ITPR3: variants seen among roughly 807,000 people sequenced by gnomAD.
ITPR3 encodes the protein inositol 1,4,5-trisphosphate receptor type 3, also known as inositol 1,4,5-trisphosphate-gated calcium channel ITPR3.
Under a neutral mutation model 293.2 loss-of-function variants are expected in ITPR3, and 173 were observed. The ratio of observed to expected loss-of-function variants is 0.59; its 90% CI spans 0.52 to 0.67. ITPR3 has a LOEUF of 0.67. Among genes scored for constraint, ITPR3 ranks in the 30% least tolerant of loss-of-function variants. The pLI is 0.00. For missense variants in ITPR3, 2,796 were observed against 3,592.1 expected, an observed-to-expected ratio of 0.78 and a Z score of 5.66; for synonymous variants, 1,295 against 1,444.4, an observed-to-expected ratio of 0.90 and a Z score of 2.35.
chr6:33,636,962 C>T (rs774614730), intron 1 of ITPR3, among the ~76,000 whole-genome samples: 1 of 152,196 alleles, frequency 6.6e-6, no homozygotes, highest in African/African-American at 2.4e-5. Context: ...GCTCTGACGC[C>T]GGGCTGCCTG....
intron 17 of ITPR3, 39 bp from the exon 18 acceptor site, chr6:33,668,935 G>A: frequency 6.2e-7 from 1 of 1,601,878 alleles, no homozygotes; most frequent in South Asian, 1.1e-5. Flanking sequence ...GTAGTGCCCT[G>A]GACCTGGCTC....
At chr6:33,643,017 A>T (rs982847889) in intron 2 of ITPR3, among the ~76,000 whole-genome samples, 2 of 152,180 alleles carry the variant, frequency 1.3e-5, no homozygotes, top group African/African-American at 4.8e-5. Context: ...GATGAGAGAC[A>T]TGGACTATAG....
At chr6:33,681,860 G>A (rs1765086306) in intron 33 of ITPR3, among the ~76,000 whole-genome samples, 1 of 152,018 alleles carries the variant, frequency 6.6e-6, no homozygotes, top group Non-Finnish European at 1.5e-5. Context: ...TGAGGGTGAT[G>A]GGGGAGAGAC....
rs1028178355 is a variant in ITPR3 at position 33,655,475 on chromosome 6, G to A, written c.161-291G>A. Among the ~76,000 whole-genome samples the A allele has an allele frequency of 6.6e-6, 1 of 152,204 alleles. No homozygotes were observed. The highest frequency in any genetic ancestry group is 1.5e-5 in the Non-Finnish European group (1 of 68,030). On this transcript the variant is annotated intron_variant, in intron 2 of 57. Coordinates refer to ENST00000605930, the MANE Select transcript of ITPR3 (RefSeq NM_002224.4). The surrounding 1 kb of genome is among the most constrained non-coding windows in gnomAD (Gnocchi z 4.9). ...CTGGGCACAGACATGGCATAAGGGT[G>A]AGGCCCCAGCAGCCTCTGGTAAATC...
chr6:33,670,382 C>T lies in ITPR3; in HGVS notation c.2247C>T (p.Asp749=), dbSNP rs1322025645. 5 of 1,613,990 alleles carry T rather than the reference C, an allele frequency of 3.1e-6. No individual in the cohort carries two copies. Among genetic ancestry groups the T allele is most frequent in the Non-Finnish European group, 3.4e-6 (4 of 1,180,044 alleles). The stretch of plus-strand genomic sequence containing the variant: ...TGGACCGCCAGTACTTGGCCATCGA[C>T]GAGATCTCCCAGCAGCTGGGCGTGG... ...MCLDRQYLAI[D]EISQQLGVDL... Residue 749 remains aspartate (D), a synonymous_variant, in exon 19 of 58, where the codon GAC becomes GAT. Coordinates refer to ENST00000605930, the MANE Select transcript of ITPR3 (RefSeq NM_002224.4). The surrounding 1 kb of genome is among the most constrained non-coding windows in gnomAD (Gnocchi z 6.7).
Position 33,666,302 on chromosome 6 carries a change from T to A in ITPR3, c.1551+326T>A, listed in dbSNP as rs373666357. 1.3e-3 allele frequency among the ~76,000 whole-genome samples: 191 copies of A among 152,218 alleles called. No homozygotes were observed. The highest frequency in any genetic ancestry group is 2.6e-3 in the Admixed American group (40 of 15,302). Reference sequence around the variant, plus strand: ...AGAGCTGTGCTTCAAAAAATTTTTTTAAAAATTTTTTTATTATGAGAATCA... The same window carrying A: ...AGAGCTGTGCTTCAAAAAATTTTTTAAAAAATTTTTTTATTATGAGAATCA... On this transcript the variant is annotated intron_variant, in intron 14 of 57. Coordinates refer to ENST00000605930, the MANE Select transcript of ITPR3 (RefSeq NM_002224.4). This position sits in a 1 kb window ranked among gnomAD's most constrained non-coding sequence, Gnocchi z 5.1.
chr6:33,629,767 AC>A (rs1232487910), intron 1 of ITPR3, among the ~76,000 whole-genome samples: 2 of 147,674 alleles, frequency 1.4e-5, no homozygotes, highest in East Asian at 4.5e-4. Context: ...GGCGTGAGCC[AC>A]CACGCCGGGC....
chr6:33,638,248 C>G lies in ITPR3; in HGVS notation c.90-2236C>G, dbSNP rs1254005682. Among the ~76,000 whole-genome samples, 2 of 152,198 alleles carry G rather than the reference C, an allele frequency of 1.3e-5. No individual in the cohort carries two copies. Among genetic ancestry groups the G allele is most frequent in the Non-Finnish European group, 2.9e-5 (2 of 68,030 alleles). ...CTCGAACTCCTGACTTAATGATCCA[C>G]CCGCCTCAGCCTCCCAAAGTGCAGG... On this transcript the variant is annotated intron_variant, in intron 1 of 57. Coordinates refer to ENST00000605930, the MANE Select transcript of ITPR3 (RefSeq NM_002224.4). The surrounding 1 kb of genome is among the most constrained non-coding windows in gnomAD (Gnocchi z 4.3).
rs758119600 is a variant in ITPR3, at chr6:33,658,543, A to T, written c.370-127A>T. ...GTGGGTGTCAGCCTGTATGTTTGTG[A>T]CAGGTGTCTGACACTATGTGTGCAG... On this transcript the variant is annotated intron_variant, in intron 4 of 57. Transcript: ENST00000605930. This position sits in a 1 kb window ranked among gnomAD's most constrained non-coding sequence, Gnocchi z 6.1. 48 of 1,113,414 alleles carry T rather than the reference A, an allele frequency of 4.3e-5. No individual in the cohort carries two copies. Among genetic ancestry groups the T allele is most frequent in the Non-Finnish European group, 6.0e-5 (46 of 766,056 alleles). The allele number at this position is 1,113,414 out of a possible 1,614,324, so 69.0% of individuals were successfully genotyped here.
rs144310254 is a variant in ITPR3, at chr6:33,693,528, G to A, written c.7625-17G>A. ...CTTGAAGGCTGATGGTTTCATTCCCGCCCTCTGCACCCTCAGGTCTGGAGA... is the reference window on the plus strand; with the variant it reads ...CTTGAAGGCTGATGGTTTCATTCCCACCCTCTGCACCCTCAGGTCTGGAGA... On this transcript the variant is annotated splice_polypyrimidine_tract_variant and intron_variant, in intron 55 of 57. Coordinates refer to ENST00000605930, the MANE Select transcript of ITPR3 (RefSeq NM_002224.4). The A allele has an allele frequency of 1.7e-5, 28 of 1,612,496 alleles. No individual in the cohort carries two copies. In the African/African-American group the frequency reaches 2.4e-4, roughly 14 times the overall value.
At position 33,687,473 on chromosome 6, in the gene ITPR3, C is replaced by G. The variant is rs372359071; in HGVS notation, c.6178-5C>G. The G allele has an allele frequency of 3.7e-6, 6 of 1,609,580 alleles. No homozygotes were observed. Among genetic ancestry groups the G allele is most frequent in the Admixed American group, 1.7e-5 (1 of 59,662 alleles). On this transcript the variant is annotated splice_polypyrimidine_tract_variant and splice_region_variant and intron_variant, in intron 45 of 57. Transcript: ENST00000605930. The surrounding 1 kb of genome is among the most constrained non-coding windows in gnomAD (Gnocchi z 5.3). Reference sequence around the variant, plus strand: ...CCCTGGTGACTGTGCTGCCATTTCCCTCAGCTCTCCAGGCACAATAAACAG... The same window carrying G: ...CCCTGGTGACTGTGCTGCCATTTCCGTCAGCTCTCCAGGCACAATAAACAG...
In ITPR3 at chr6:33,688,741, CATT is replaced by C. The variant is rs1169903613; in HGVS notation, c.6655_6657del (p.Ile2219del). The C allele has an allele frequency of 3.7e-6, 6 of 1,614,232 alleles. No homozygotes were observed. Among genetic ancestry groups the C allele is most frequent in the Non-Finnish European group, 3.4e-6 (4 of 1,180,038 alleles). On this transcript the variant is annotated inframe_deletion, in exon 49 of 58. Coordinates refer to ENST00000605930, the MANE Select transcript of ITPR3 (RefSeq NM_002224.4). ...ACCTGGCCGTGTTTATCAACATCATCATTGCCTTCTTCTACCCTTACATGGAGG... is the reference window on the plus strand; with the variant it reads ...ACCTGGCCGTGTTTATCAACATCATCGCCTTCTTCTACCCTTACATGGAGG...
At chr6:33,695,229 T>C (rs1003980818) in intron 57 of ITPR3, 144 bp downstream of exon 57, 4 of 854,838 alleles carry the variant, frequency 4.7e-6, no homozygotes, top group Middle Eastern at 3.5e-4. Flanking sequence ...AAACCCACTC[T>C]CCCCTGCATG....
chr6:33,692,090 C>T lies in ITPR3; in HGVS notation c.7458+162C>T, dbSNP rs1765410467. On this transcript the variant is annotated intron_variant, in intron 54 of 57. Coordinates refer to ENST00000605930, the MANE Select transcript of ITPR3 (RefSeq NM_002224.4). The surrounding 1 kb of genome is among the most constrained non-coding windows in gnomAD (Gnocchi z 4.2). ...CCCTGCTTTCCACACCTGGCCAATTCCATGATATTACTGCTTAGCTGCCCC... is the reference window on the plus strand; with the variant it reads ...CCCTGCTTTCCACACCTGGCCAATTTCATGATATTACTGCTTAGCTGCCCC... 1.3e-5 allele frequency among the ~76,000 whole-genome samples: 2 copies of T among 152,246 alleles called. No individual in the cohort carries two copies. Among genetic ancestry groups the T allele is most frequent in the African/African-American group, 2.4e-5 (1 of 41,468 alleles).
chr6:33,626,486 T>TC (rs1161747557), intron 1 of ITPR3, among the ~76,000 whole-genome samples: 1 of 152,210 alleles, frequency 6.6e-6, no homozygotes, highest in African/African-American at 2.4e-5. Context: ...CTGGGGGCCC[T>TC]CCCAGGCTGA....
chr6:33,663,694 G>C (rs1473663371), intron 10 of ITPR3, 44 bp from the exon 11 acceptor site: 2 of 1,611,250 alleles, frequency 1.2e-6, no homozygotes, highest in East Asian at 2.2e-5. Flanking sequence ...TCATGGGCTT[G>C]AGAAGAGGGA....
At chr6:33,639,056 A>C (rs1763887569) in intron 1 of ITPR3, among the ~76,000 whole-genome samples, 1 of 152,196 alleles carries the variant, frequency 6.6e-6, no homozygotes, top group South Asian at 2.1e-4. Context: ...TAGTGAGGCT[A>C]GCTAGGGAGT....
At position 33,675,619 on chromosome 6, in the gene ITPR3, G is replaced by T. The variant is rs550630704; in HGVS notation, c.3117-72G>T. On this transcript the variant is annotated intron_variant, in intron 24 of 57. Coordinates refer to ENST00000605930, the MANE Select transcript of ITPR3 (RefSeq NM_002224.4). This position sits in a 1 kb window ranked among gnomAD's most constrained non-coding sequence, Gnocchi z 5.0. ...TGGCGGAGAGTGTGCTTGTGCCAGG[G>T]CCCCTTACCCACCACGGACAGCAGG... 2 of 1,488,878 alleles carry T rather than the reference G, an allele frequency of 1.3e-6. No homozygotes were observed. The highest frequency in any genetic ancestry group is 1.8e-6 in the Non-Finnish European group (2 of 1,112,222). The allele number at this position is 1,488,878 out of a possible 1,614,324, so 92.2% of individuals were successfully genotyped here.
intron 33 of ITPR3, among the ~76,000 whole-genome samples, chr6:33,681,506 G>A (rs1582155732): frequency 2.0e-5 from 3 of 152,312 alleles, no homozygotes; most frequent in African/African-American, 7.2e-5. Context: ...ATGGCTCCTT[G>A]GTCAATCCCC....
Sources: gnomAD v4.1 joint callset for allele counts (sites outside exome capture counted in the v4.1 genomes callset) on GRCh38, gnomAD v4.1.1 for gene constraint, Gnocchi (gnomAD v3.1) non-coding constraint, MANE v1.5 for transcripts, NCBI Gene and HGNC (gene_info 2026-07-23, HGNC 2026-07-21) for gene names.